NAALADL2: variants seen among roughly 807,000 people sequenced by gnomAD.
NAALADL2 encodes the protein N-acetylated alpha-linked acidic dipeptidase like 2, also known as inactive N-acetylated-alpha-linked acidic dipeptidase-like protein 2.
NAALADL2 carries 76 observed loss-of-function variants against 87.2 expected under a neutral mutation model. The observed-to-expected ratio is 0.87, with a 90% CI of 0.72 to 1.05. The LOEUF (loss-of-function observed/expected upper bound fraction) is 1.05. NAALADL2 is among the 50% of genes least tolerant of loss of function. The probability of loss-of-function intolerance (pLI) is 0.00; values close to 1 mark genes in which losing one functional copy is unlikely to be tolerated. For missense variants in NAALADL2, 1,089 were observed against 945.8 expected, an observed-to-expected ratio of 1.15 and a Z score of -1.99; for synonymous variants, 354 against 331.0, an observed-to-expected ratio of 1.07 and a Z score of -0.75.
intron 1 of NAALADL2, among the ~76,000 whole-genome samples, chr3:174,865,787 G>A (rs1727070276): frequency 6.6e-6 from 1 of 151,878 alleles, no homozygotes; most frequent in Non-Finnish European, 1.5e-5. Context: ...ACTGGAATAA[G>A]TGACCAGAAG....
chr3:175,465,662 G>A (rs552417000), intron 7 of NAALADL2, among the ~76,000 whole-genome samples: 17 of 151,948 alleles, frequency 1.1e-4, no homozygotes, highest in East Asian at 7.8e-4. Flanking sequence ...TAGTAGAGAC[G>A]AGGTTTCACC....
At chr3:174,553,819 T>C (rs1289003059) in intron 2 of NAALADL2, among the ~76,000 whole-genome samples, 1 of 147,388 alleles carries the variant, frequency 6.8e-6, no homozygotes, top group Non-Finnish European at 1.5e-5. Flanking sequence ...ATTCAGGAAA[T>C]GAACAGTCTG....
At chr3:175,750,539 C>T (rs572277992) in intron 12 of NAALADL2, among the ~76,000 whole-genome samples, 63 of 152,198 alleles carry the variant, frequency 4.1e-4, no homozygotes, top group African/African-American at 1.3e-3. Context: ...GGAGATTTAT[C>T]CTCTACGATA....
chr3:174,915,109 C>A (rs1040617719), intron 1 of NAALADL2, among the ~76,000 whole-genome samples: 21 of 152,072 alleles, frequency 1.4e-4, no homozygotes, highest in African/African-American at 4.8e-4. Context: ...CTAATTATTA[C>A]AACAGAAAGA....
chr3:174,909,049 T>C (rs1342707749), intron 1 of NAALADL2, among the ~76,000 whole-genome samples: 1 of 151,928 alleles, frequency 6.6e-6, no homozygotes, highest in East Asian at 1.9e-4. Context: ...AGCTATTTCA[T>C]CTTAACTGAA....
intron 9 of NAALADL2, among the ~76,000 whole-genome samples, chr3:175,490,731 C>T (rs1419302958): frequency 6.6e-6 from 1 of 151,918 alleles, no homozygotes; most frequent in East Asian, 1.9e-4. Context: ...CCATCAGAAG[C>T]AGGATGGTAG....
chr3:174,515,569 A>G lies in NAALADL2; in HGVS notation c.-183-35000A>G, dbSNP rs74922112. Among the ~76,000 whole-genome samples the G allele has an allele frequency of 3.3e-4, 50 of 152,148 alleles. 2 individuals carry two copies. In the East Asian group the frequency reaches 9.3e-3, roughly 28 times the overall value. On this transcript the variant is annotated intron_variant, in intron 1 of 3. Coordinates refer to the NAALADL2 transcript ENST00000434257. ...TACTGTTAAAGGGGCAGCTTTTAGT[A>G]TATCAGGTACTATATTAATAAATAT...
chr3:174,821,970 G>A (rs887775413), intron 3 of NAALADL2, among the ~76,000 whole-genome samples: 6 of 152,056 alleles, frequency 3.9e-5, no homozygotes, highest in African/African-American at 7.2e-5. Context: ...TTGTGGAAAC[G>A]AAGTCGTTAA....
intron 6 of NAALADL2, chr3:175,459,971 A>G (rs1722871986): frequency 3.2e-6 from 1 of 310,466 alleles, no homozygotes; most frequent in Admixed American, 4.6e-5. Flanking sequence ...TAACAGCCAC[A>G]CATTTTATCA....
At chr3:175,249,967 C>T (rs879209566) in intron 3 of NAALADL2, among the ~76,000 whole-genome samples, 19 of 152,022 alleles carry the variant, frequency 1.2e-4, no homozygotes, top group Admixed American at 5.2e-4. Flanking sequence ...GTCGGGAGTT[C>T]GAGACCAGCC....
At chr3:175,137,087 A>G (rs1022686205) in intron 2 of NAALADL2, among the ~76,000 whole-genome samples, 3 of 152,160 alleles carry the variant, frequency 2.0e-5, no homozygotes, top group African/African-American at 7.2e-5. Context: ...AAATATCTGT[A>G]TTATAAAATT....
In NAALADL2 at chr3:175,552,544, C is replaced by A. The variant is rs1263833253; in HGVS notation, c.1654-23497C>A. Among the ~76,000 whole-genome samples, 5 of 152,164 alleles carry A rather than the reference C, an allele frequency of 3.3e-5. No individual in the cohort carries two copies. In the East Asian group the frequency reaches 9.7e-4, roughly 29 times the overall value. ...AAGATTTACCATATTATGTAGTTGT[C>A]AAAATCTGAATGTTTCTTTTTTATA... On this transcript the variant is annotated intron_variant, in intron 9 of 13. Transcript: ENST00000454872.
intron 11 of NAALADL2, among the ~76,000 whole-genome samples, chr3:175,651,838 T>G (rs1730804177): frequency 6.6e-6 from 1 of 152,244 alleles, no homozygotes; most frequent in Non-Finnish European, 1.5e-5. Context: ...AACCAATGTG[T>G]GCCAGTCATT....
intron 5 of NAALADL2, among the ~76,000 whole-genome samples, chr3:175,356,573 T>C (rs1490472112): frequency 8.2e-6 from 1 of 122,386 alleles, no homozygotes; most frequent in Non-Finnish European, 1.7e-5. Context: ...AGACCCTGTG[T>C]CAAAATAATA....
intron 1 of NAALADL2, among the ~76,000 whole-genome samples, chr3:174,917,685 TA>T (rs1488954036): frequency 6.6e-6 from 1 of 152,104 alleles, no homozygotes; most frequent in Admixed American, 6.6e-5. Flanking sequence ...ATGGTTTAGT[TA>T]AAATTGAATT....
intron 5 of NAALADL2, among the ~76,000 whole-genome samples, chr3:175,430,254 T>C (rs1717529206): frequency 6.6e-6 from 1 of 151,924 alleles, no homozygotes. Flanking sequence ...CCTGCATATT[T>C]TATAAAAATT....
chr3:174,819,605 T>G (rs544923237), intron 3 of NAALADL2, among the ~76,000 whole-genome samples: 1 of 152,156 alleles, frequency 6.6e-6, no homozygotes, highest in Non-Finnish European at 1.5e-5. Flanking sequence ...TGGGAGTTCA[T>G]AGCTTTTTGA....
chr3:174,943,931 G>C (rs1379511164), intron 1 of NAALADL2, among the ~76,000 whole-genome samples: 3 of 152,156 alleles, frequency 2.0e-5, no homozygotes, highest in Admixed American at 1.3e-4. Flanking sequence ...GAGTTGCTGA[G>C]TTGCTAATGG....
At chr3:175,161,603 C>T (rs1441890066) in intron 2 of NAALADL2, among the ~76,000 whole-genome samples, 1 of 152,112 alleles carries the variant, frequency 6.6e-6, no homozygotes, top group Non-Finnish European at 1.5e-5. Flanking sequence ...TTTCCACGAA[C>T]TGTAAATCAG....
Sources: gnomAD v4.1 joint callset for allele counts (sites outside exome capture counted in the v4.1 genomes callset) on GRCh38, gnomAD v4.1.1 for gene constraint, MANE v1.5 for transcripts, NCBI Gene and HGNC (gene_info 2026-07-23, HGNC 2026-07-21) for gene names.